ZMAT4: variants seen among roughly 807,000 people sequenced by gnomAD.
The protein encoded by ZMAT4 is zinc finger matrin-type 4, also known as zinc finger matrin-type protein 4.
ZMAT4 carries 17 observed loss-of-function variants against 28.7 expected under a neutral mutation model. The ratio of observed to expected loss-of-function variants is 0.59; its 90% CI spans 0.41 to 0.89. ZMAT4 has a LOEUF of 0.89. ZMAT4 is among the 40% of genes least tolerant of loss of function. The pLI, the probability that ZMAT4 is intolerant of heterozygous loss-of-function variation, is 0.00. For missense variants in ZMAT4, 240 were observed against 283.8 expected, an observed-to-expected ratio of 0.85 and a Z score of 1.11; for synonymous variants, 117 against 109.2, an observed-to-expected ratio of 1.07 and a Z score of -0.44.
At chr8:40,587,865 G>T (rs1483152162) in intron 5 of ZMAT4, among the ~76,000 whole-genome samples, 1 of 151,946 alleles carries the variant, frequency 6.6e-6, no homozygotes, top group Non-Finnish European at 1.5e-5. Flanking sequence ...TGAATTCAAA[G>T]GATGCACTTC....
intron 5 of ZMAT4, among the ~76,000 whole-genome samples, chr8:40,669,182 AG>A (rs748635193): frequency 3.9e-4 from 59 of 152,304 alleles, no homozygotes; most frequent in Non-Finnish European, 6.8e-4. Flanking sequence ...CATCTGAGCC[AG>A]TGCCAGATGA....
chr8:40,814,010 G>A (rs1815433041), intron 2 of ZMAT4, among the ~76,000 whole-genome samples: 1 of 152,226 alleles, frequency 6.6e-6, no homozygotes, highest in Non-Finnish European at 1.5e-5. Context: ...GCAGGGGGCT[G>A]GGGACGGGGT....
In ZMAT4 at chr8:40,607,492, C is replaced by G. The variant is rs141632511; in HGVS notation, c.578-26231G>C. On this transcript the variant is annotated intron_variant, in intron 5 of 6. Transcript: ENST00000297737. ...TGGTATTCACCTTTCTCTGGTGCCT[C>G]CCTGAGTATCTTAATAATTGACCTT... Among the ~76,000 whole-genome samples, 128 of 152,060 alleles carry G rather than the reference C, an allele frequency of 8.4e-4. 1 individual carries two copies. Among genetic ancestry groups the G allele is most frequent in the South Asian group, 2.1e-3 (10 of 4,800 alleles).
At chr8:40,728,170 A>C (rs1811385410) in intron 3 of ZMAT4, among the ~76,000 whole-genome samples, 1 of 152,196 alleles carries the variant, frequency 6.6e-6, no homozygotes, top group South Asian at 2.1e-4. Flanking sequence ...TTAAGATAAA[A>C]TTACAATAAT....
intron 5 of ZMAT4, among the ~76,000 whole-genome samples, chr8:40,606,028 C>A (rs946529878): frequency 1.3e-5 from 2 of 152,104 alleles, no homozygotes; most frequent in Admixed American, 6.6e-5. Flanking sequence ...CATGGAATAT[C>A]TTTTTCCACC....
At chr8:40,574,180 A>G (rs2118518610) in intron 6 of ZMAT4, among the ~76,000 whole-genome samples, 1 of 152,304 alleles carries the variant, frequency 6.6e-6, no homozygotes, top group South Asian at 2.1e-4. Context: ...AGGAAAAAAT[A>G]TTTGAAATCC....
chr8:40,778,988 T>A (rs1480879672), intron 2 of ZMAT4, among the ~76,000 whole-genome samples: 1 of 152,202 alleles, frequency 6.6e-6, no homozygotes, highest in Non-Finnish European at 1.5e-5. Context: ...AAATATATTA[T>A]CTGTATTTAA....
At chr8:40,793,000 C>T (rs1814427561) in intron 2 of ZMAT4, among the ~76,000 whole-genome samples, 2 of 151,812 alleles carry the variant, frequency 1.3e-5, no homozygotes, top group Admixed American at 1.3e-4. Flanking sequence ...GGAAACTGCT[C>T]TGTATGATAC....
At chr8:40,621,776 C>A (rs1806208165) in intron 5 of ZMAT4, among the ~76,000 whole-genome samples, 1 of 152,228 alleles carries the variant, frequency 6.6e-6, no homozygotes, top group Non-Finnish European at 1.5e-5. Flanking sequence ...TGACTTGGAC[C>A]AGATCTGTGA....
chr8:40,784,659 C>T (rs2150574346), intron 2 of ZMAT4, among the ~76,000 whole-genome samples: 1 of 152,248 alleles, frequency 6.6e-6, no homozygotes, highest in Non-Finnish European at 1.5e-5. Flanking sequence ...TACATAGACC[C>T]TTAAAACTCA....
At chr8:40,722,757 C>T (rs1227018752) in intron 3 of ZMAT4, among the ~76,000 whole-genome samples, 6 of 152,108 alleles carry the variant, frequency 3.9e-5, no homozygotes, top group Admixed American at 6.5e-5. Flanking sequence ...GCAGGCTGCA[C>T]GAAGCACCTC....
At chr8:40,572,200 C>CA (rs1404587660) in intron 6 of ZMAT4, among the ~76,000 whole-genome samples, 1 of 151,962 alleles carries the variant, frequency 6.6e-6, no homozygotes, top group Non-Finnish European at 1.5e-5. Context: ...AAGCGAATTC[C>CA]AAAATATTGA....
At chr8:40,534,356 A>G (rs551039748) in intron 6 of ZMAT4, among the ~76,000 whole-genome samples, 1 of 152,346 alleles carries the variant, frequency 6.6e-6, no homozygotes, top group East Asian at 1.9e-4. Flanking sequence ...CTATTAATAA[A>G]CACGCAGCCA....
At chr8:40,847,783 C>G (rs897823152) in intron 1 of ZMAT4, among the ~76,000 whole-genome samples, 1 of 152,192 alleles carries the variant, frequency 6.6e-6, no homozygotes, top group Non-Finnish European at 1.5e-5. Context: ...CTGGCATCCC[C>G]TCTCTGTGGC....
At chr8:40,739,369 T>G (rs1423287352) in intron 3 of ZMAT4, among the ~76,000 whole-genome samples, 1 of 152,204 alleles carries the variant, frequency 6.6e-6, no homozygotes, top group Non-Finnish European at 1.5e-5. Flanking sequence ...TAGCAGCCTG[T>G]TGAAGCCTAA....
At chr8:40,768,184 C>G (rs544340113) in intron 2 of ZMAT4, among the ~76,000 whole-genome samples, 1 of 152,226 alleles carries the variant, frequency 6.6e-6, no homozygotes, top group Admixed American at 6.5e-5. Context: ...CATGGCTCTC[C>G]CACACACAGA....
At chr8:40,695,009 C>T (rs1490494411) in intron 4 of ZMAT4, among the ~76,000 whole-genome samples, 1 of 152,182 alleles carries the variant, frequency 6.6e-6, no homozygotes, top group East Asian at 1.9e-4. Flanking sequence ...AGAATCTAGA[C>T]AGACAGGCTT....
intron 6 of ZMAT4, among the ~76,000 whole-genome samples, chr8:40,561,898 C>T (rs77367724): frequency 0.029 from 4,337 of 152,162 alleles, 97 homozygotes; most frequent in Non-Finnish European, 0.046. Flanking sequence ...TTGGTAAGGT[C>T]TAATCCCTGT....
intron 3 of ZMAT4, among the ~76,000 whole-genome samples, chr8:40,708,608 T>TCTCG (rs1810468892): frequency 8.1e-6 from 1 of 123,810 alleles, no homozygotes; most frequent in African/African-American, 3.1e-5. Flanking sequence ...TCTCTCTCTC[T>TCTCG]CTCAAAGAAG....
Sources: allele counts gnomAD v4.1 joint callset (sites outside exome capture counted in the v4.1 genomes callset), GRCh38; gene constraint gnomAD v4.1.1; transcripts MANE v1.5; gene names NCBI Gene and HGNC (gene_info 2026-07-23, HGNC 2026-07-21).